The following LURAP1L variants were observed in gnomAD, a reference collection of about 807,000 sequenced individuals.
LURAP1L encodes the protein leucine rich adaptor protein 1-like.
Under a neutral mutation model 13.8 loss-of-function variants are expected in LURAP1L, and 12 were observed. That is an observed-to-expected ratio of 0.87 (90% confidence interval 0.56 to 1.41). The LOEUF is 1.41. Ranked by LOEUF, LURAP1L falls within the 40% of genes most tolerant of loss-of-function variation. The probability of loss-of-function intolerance (pLI) is 0.00; values close to 1 mark genes in which losing one functional copy is unlikely to be tolerated. For synonymous variants in LURAP1L, 139 were observed against 119.2 expected, an observed-to-expected ratio of 1.17 and a Z score of -1.08; for missense variants, 375 against 292.9, an observed-to-expected ratio of 1.28 and a Z score of -2.04.
chr9:12,794,905 T>C (rs1369671946), intron 1 of LURAP1L, among the ~76,000 whole-genome samples: 2 of 151,936 alleles, frequency 1.3e-5, no homozygotes, highest in African/African-American at 4.8e-5. Context: ...GGAAGATATG[T>C]ATTTCACGTT....
At chr9:12,820,505 C>CG (rs1192232888) in intron 1 of LURAP1L, among the ~76,000 whole-genome samples, 2 of 67,028 alleles carry the variant, frequency 3.0e-5, no homozygotes, top group Non-Finnish European at 8.7e-5. Context: ...TCCGTCCCCC[C>CG]CCCCCCCCCA....
intron 1 of LURAP1L, among the ~76,000 whole-genome samples, chr9:12,799,747 G>A (rs1252609256): frequency 2.0e-5 from 3 of 151,922 alleles, no homozygotes; most frequent in African/African-American, 4.8e-5. Flanking sequence ...GGTGGCAGGC[G>A]TCTGTAGCCC....
intron 1 of LURAP1L, among the ~76,000 whole-genome samples, chr9:12,796,192 G>T (rs1046820780): frequency 6.6e-6 from 1 of 151,386 alleles, no homozygotes; most frequent in Admixed American, 6.6e-5. Flanking sequence ...GTTCATAATG[G>T]TTTCATTTTA....
intron 1 of LURAP1L, among the ~76,000 whole-genome samples, chr9:12,788,197 A>AAAGAAAG (rs760601874): frequency 3.3e-5 from 5 of 149,500 alleles, no homozygotes; most frequent in Non-Finnish European, 7.4e-5. Context: ...GAAAGAAAAG[A>AAAGAAAG]AAAGAAAAGA....
At chr9:12,776,593 G>A (rs1056640350) in intron 1 of LURAP1L, among the ~76,000 whole-genome samples, 12 of 151,972 alleles carry the variant, frequency 7.9e-5, no homozygotes, top group African/African-American at 2.7e-4. Context: ...GGCCACTGTC[G>A]AGCAGATTCT....
intron 1 of LURAP1L, among the ~76,000 whole-genome samples, chr9:12,785,328 G>T (rs1819334644): frequency 6.6e-6 from 1 of 152,074 alleles, no homozygotes; most frequent in South Asian, 2.1e-4. Flanking sequence ...GGGGCTGGGG[G>T]AGGGGGTGAC....
chr9:12,796,377 T>A (rs1319475000), intron 1 of LURAP1L, among the ~76,000 whole-genome samples: 2 of 152,044 alleles, frequency 1.3e-5, no homozygotes, highest in African/African-American at 4.8e-5. Context: ...TTTTTTGCAT[T>A]GTTGAAATTA....
Position 12,786,583 on chromosome 9 carries a change from A to ATATAT in LURAP1L, c.312+10556_312+10557insTATAT, listed in dbSNP as rs1384664118. Reference sequence around the variant, plus strand: ...ATATATATATATATATATATATATAAACCCTTGTGCCTTAAGTCTGTATAG... The same window carrying ATATAT: ...ATATATATATATATATATATATATAATATATACCCTTGTGCCTTAAGTCTGTATAG... On this transcript the variant is annotated intron_variant, in intron 1 of 1. Transcript: ENST00000319264. Among the ~76,000 whole-genome samples the ATATAT allele has an allele frequency of 8.1e-4, 16 of 19,856 alleles. No individual in the cohort carries two copies. The East Asian group carries it at 9.9e-3, about 12-fold the overall frequency. The allele number at this position is 19,856 out of a possible 152,430, so 13.0% of individuals were successfully genotyped here.
intron 1 of LURAP1L, among the ~76,000 whole-genome samples, chr9:12,797,782 A>G (rs918547804): frequency 2.0e-5 from 3 of 152,196 alleles, no homozygotes; most frequent in Admixed American, 6.5e-5. Context: ...TTCATATCCA[A>G]GGGAAAACAT....
chr9:12,808,907 A>G (rs1819699342), intron 1 of LURAP1L, among the ~76,000 whole-genome samples: 1 of 152,148 alleles, frequency 6.6e-6, no homozygotes, highest in East Asian at 1.9e-4. Context: ...AGACTGGTTA[A>G]TGTATAAAGA....
intron 1 of LURAP1L, among the ~76,000 whole-genome samples, chr9:12,784,517 C>A (rs1294017708): frequency 3.9e-5 from 6 of 152,158 alleles, no homozygotes; most frequent in Admixed American, 3.9e-4. Context: ...AATAGAGACT[C>A]TTGTTCTCTT....
At chr9:12,787,256 T>C (rs950833277) in intron 1 of LURAP1L, among the ~76,000 whole-genome samples, 5 of 152,150 alleles carry the variant, frequency 3.3e-5, no homozygotes, top group Non-Finnish European at 4.4e-5. Context: ...GCTGTAATGA[T>C]AGACATATAA....
chr9:12,776,517 C>A (rs3750502), intron 1 of LURAP1L, among the ~76,000 whole-genome samples: 30,344 of 151,800 alleles, frequency 0.2, 3,278 homozygotes, highest in South Asian at 0.36. Flanking sequence ...CCTAGCTCAC[C>A]CTTCCACCAG....
chr9:12,814,784 G>C (rs1316259780), intron 1 of LURAP1L, among the ~76,000 whole-genome samples: 1 of 152,148 alleles, frequency 6.6e-6, no homozygotes, highest in East Asian at 1.9e-4. Flanking sequence ...TTAGTCCTTG[G>C]GGAAATTACT....
intron 1 of LURAP1L, among the ~76,000 whole-genome samples, chr9:12,811,292 T>C (rs1250501648): frequency 6.6e-6 from 1 of 152,238 alleles, no homozygotes; most frequent in Non-Finnish European, 1.5e-5. Flanking sequence ...TGAATGTTAT[T>C]ATCTAAGTTT....
intron 1 of LURAP1L, among the ~76,000 whole-genome samples, chr9:12,782,304 T>C (rs1819284190): frequency 6.6e-6 from 1 of 152,238 alleles, no homozygotes; most frequent in African/African-American, 2.4e-5. Flanking sequence ...CCTATGCTTA[T>C]GGGATATTCC....
chr9:12,798,639 A>T (rs986954614), intron 1 of LURAP1L, among the ~76,000 whole-genome samples: 2 of 152,216 alleles, frequency 1.3e-5, no homozygotes, highest in African/African-American at 4.8e-5. Context: ...AGAAGTGATG[A>T]ATTAACATCA....
At chr9:12,820,522 A>T (rs1276215857) in intron 1 of LURAP1L, among the ~76,000 whole-genome samples, 3 of 135,192 alleles carry the variant, frequency 2.2e-5, no homozygotes, top group African/African-American at 8.2e-5. Flanking sequence ...CCCAAAAAAA[A>T]AAAAGGACCA....
chr9:12,806,348 A>T (rs982086954), intron 1 of LURAP1L, among the ~76,000 whole-genome samples: 1 of 152,136 alleles, frequency 6.6e-6, no homozygotes, highest in African/African-American at 2.4e-5. Flanking sequence ...TCAAACATCC[A>T]GTAGGAAAAT....
Sources: allele counts gnomAD v4.1 joint callset (sites outside exome capture counted in the v4.1 genomes callset), GRCh38; gene constraint gnomAD v4.1.1; transcripts MANE v1.5; gene names NCBI Gene and HGNC (gene_info 2026-07-23, HGNC 2026-07-21).